Variants in PHACTR3 observed in about 807,000 individuals in gnomAD.
PHACTR3 encodes the protein protein phosphatase 1, regulatory subunit 123.
In PHACTR3, 16 loss-of-function variants were observed where a neutral mutation model predicts 66.8. That is an observed-to-expected ratio of 0.24 (90% CI 0.16 to 0.36). PHACTR3 has a LOEUF of 0.36. PHACTR3 is among the 10% of genes least tolerant of loss of function. PHACTR3 has a pLI of 1.00. For missense variants in PHACTR3, 647 were observed against 719.9 expected, an observed-to-expected ratio of 0.90 and a Z score of 1.16; for synonymous variants, 323 against 292.1, an observed-to-expected ratio of 1.11 and a Z score of -1.08.
intron 1 of PHACTR3, among the ~76,000 whole-genome samples, chr20:59,725,827 G>A (rs1186475934): frequency 1.3e-5 from 2 of 152,174 alleles, no homozygotes; most frequent in African/African-American, 4.8e-5. Flanking sequence ...CTCTGTGCAG[G>A]AGGACAGAGA....
rs138769468 is a variant in PHACTR3, at chr20:59,794,214, T to A, written c.1175-11827T>A. 3.2e-4 allele frequency among the ~76,000 whole-genome samples: 49 copies of A among 152,284 alleles called. No homozygotes were observed. The South Asian group carries it at 5.0e-3, about 15-fold the overall frequency. On this transcript the variant is annotated intron_variant, in intron 7 of 12. Transcript: ENST00000371015. ...CAATTTTCCTCCTTCAAAATGATGT[T>A]AACTATGGATTTGTCATATATGGCC...
chr20:59,696,506 T>C (rs2146596122), intron 1 of PHACTR3, among the ~76,000 whole-genome samples: 1 of 152,134 alleles, frequency 6.6e-6, no homozygotes, highest in East Asian at 1.9e-4. Flanking sequence ...TCTGAGCATG[T>C]TGGGGCTGTG....
intron 1 of PHACTR3, among the ~76,000 whole-genome samples, chr20:59,599,455 A>G (rs2033413632): frequency 6.6e-6 from 1 of 152,146 alleles, no homozygotes; most frequent in Non-Finnish European, 1.5e-5. Flanking sequence ...GCCCGCAAGA[A>G]GTAGCCTCAG....
intron 7 of PHACTR3, 112 bp from the exon 8 acceptor site, chr20:59,805,928 TG>T: frequency 8.7e-7 from 1 of 1,152,576 alleles, no homozygotes; most frequent in Non-Finnish European, 1.2e-6. Flanking sequence ...ACCATCACCC[TG>T]GTCTGGAGTC....
chr20:59,798,739 G>A (rs72629009), intron 7 of PHACTR3, among the ~76,000 whole-genome samples: 9,456 of 152,042 alleles, frequency 0.062, 730 homozygotes, highest in East Asian at 0.37. Context: ...TAATTTGTGT[G>A]TTCCCTTACC....
At chr20:59,614,378 G>A (rs1016130908) in intron 1 of PHACTR3, among the ~76,000 whole-genome samples, 24 of 152,358 alleles carry the variant, frequency 1.6e-4, no homozygotes, top group African/African-American at 5.5e-4. Flanking sequence ...AGTCAGGCAA[G>A]GCGATGGCAG....
chr20:59,634,950 C>T (rs6070883), intron 1 of PHACTR3, among the ~76,000 whole-genome samples: 59,487 of 151,850 alleles, frequency 0.39, 12,567 homozygotes, highest in Middle Eastern at 0.5. Context: ...GACACCACAC[C>T]GGCTCAGAGT....
rs552591770 is a variant in PHACTR3, at chr20:59,800,365, T to A, written c.1175-5676T>A. ...TCTGCTGGTGATGAAATCTTCCAGC[T>A]TTTTTATGTCCAAGAAGGTACTTAT... On this transcript the variant is annotated intron_variant, in intron 7 of 12. Transcript: ENST00000371015. Among the ~76,000 whole-genome samples the A allele has an allele frequency of 3.2e-4, 49 of 152,280 alleles. No homozygotes were observed. In the East Asian group the frequency reaches 5.4e-3, roughly 17 times the overall value.
intron 1 of PHACTR3, among the ~76,000 whole-genome samples, chr20:59,733,241 T>C (rs568032611): frequency 7.2e-5 from 11 of 152,244 alleles, no homozygotes; most frequent in African/African-American, 1.9e-4. Context: ...ACCCAAAATA[T>C]CATGCTCTTC....
chr20:59,823,327 G>A (rs2042101894), intron 8 of PHACTR3, among the ~76,000 whole-genome samples: 1 of 152,070 alleles, frequency 6.6e-6, no homozygotes, highest in Admixed American at 6.5e-5. Context: ...CCTCCCATGT[G>A]CTGTGCCCAG....
At chr20:59,643,812 A>G (rs1439567647) in intron 1 of PHACTR3, among the ~76,000 whole-genome samples, 1 of 152,120 alleles carries the variant, frequency 6.6e-6, no homozygotes, top group Non-Finnish European at 1.5e-5. Context: ...ATTCTAAGTG[A>G]AAAGGGGGGT....
chr20:59,605,198 G>C, intron 1 of PHACTR3, 66 bp downstream of exon 1: 1 of 1,132,452 alleles, frequency 8.8e-7, no homozygotes, highest in African/African-American at 1.6e-5. Flanking sequence ...CTGAGAGCAG[G>C]ACCCCGCGAG....
intron 1 of PHACTR3, among the ~76,000 whole-genome samples, chr20:59,725,815 G>A (rs1360446406): frequency 6.6e-6 from 1 of 152,148 alleles, no homozygotes. Flanking sequence ...ATTGGCTCTC[G>A]GCTCTGTGCA....
intron 3 of PHACTR3, 56 bp from the exon 4 acceptor site, chr20:59,755,126 G>A (rs1388835705): frequency 2.3e-5 from 35 of 1,553,460 alleles, no homozygotes; most frequent in Middle Eastern, 1.7e-4. Context: ...TTGGGACGAC[G>A]GAAGGGATGA....
intron 1 of PHACTR3, among the ~76,000 whole-genome samples, chr20:59,742,034 TA>T (rs1568768368): frequency 6.6e-6 from 1 of 152,258 alleles, no homozygotes; most frequent in African/African-American, 2.4e-5. Context: ...GTGCTGGGAT[TA>T]TAGGCGTAAG....
chr20:59,812,224 A>G (rs1478526831), intron 8 of PHACTR3, among the ~76,000 whole-genome samples: 1 of 152,222 alleles, frequency 6.6e-6, no homozygotes, highest in Non-Finnish European at 1.5e-5. Flanking sequence ...GTCATGCACA[A>G]ACTGTCATTC....
At chr20:59,742,466 G>A (rs77925134) in intron 1 of PHACTR3, among the ~76,000 whole-genome samples, 1 of 80,404 alleles carries the variant, frequency 1.2e-5, no homozygotes, top group Non-Finnish European at 2.0e-5. Flanking sequence ...GCTCACAGAC[G>A]TGCTCACAGA....
At chr20:59,583,223 G>T (rs986992391) in intron 1 of PHACTR3, among the ~76,000 whole-genome samples, 1 of 152,166 alleles carries the variant, frequency 6.6e-6, no homozygotes, top group African/African-American at 2.4e-5. Flanking sequence ...AGGATTACAG[G>T]AGTCACTGGG....
chr20:59,793,422 G>A (rs965195324), intron 7 of PHACTR3, among the ~76,000 whole-genome samples: 12 of 152,166 alleles, frequency 7.9e-5, no homozygotes, highest in African/African-American at 2.9e-4. Context: ...CATGGACAAA[G>A]GATATTTTTT....
Sources: allele counts gnomAD v4.1 joint callset (sites outside exome capture counted in the v4.1 genomes callset), GRCh38; gene constraint gnomAD v4.1.1; transcripts MANE v1.5; gene names NCBI Gene and HGNC (gene_info 2026-07-23, HGNC 2026-07-21).